Variants in GCKR observed in about 807,000 individuals in gnomAD.
GCKR encodes glucokinase regulatory protein.
GCKR carries 73 observed loss-of-function variants against 82.9 expected under a neutral mutation model. The observed-to-expected ratio is 0.88, with a 90% CI of 0.73 to 1.07. GCKR has a LOEUF of 1.07. GCKR is among the 50% of genes least tolerant of loss of function. The pLI is 0.00. For missense variants in GCKR, 784 were observed against 782.1 expected (o/e 1.00, Z -0.03); for synonymous variants, 294 against 291.8 (o/e 1.01, Z -0.08).
intron 8 of GCKR, chr2:27,501,584 G>A: frequency 5.0e-6 from 2 of 398,576 alleles, no homozygotes; most frequent in Non-Finnish European, 1.0e-5. Context: ...ATATGGGGGT[G>A]AGCCCCAAGC....
At chr2:27,517,033 A>C (rs62131876) in intron 16 of GCKR, among the ~76,000 whole-genome samples, 4 of 132,036 alleles carry the variant, frequency 3.0e-5, no homozygotes, top group African/African-American at 8.6e-5. Context: ...TTTTTTTTTA[A>C]TATGGAGTCT....
At chr2:27,523,239 G>C (rs940656832) in intron 18 of GCKR, 30 bp from the exon 19 acceptor site, 1 of 1,600,946 alleles carries the variant, frequency 6.2e-7, no homozygotes, top group Non-Finnish European at 8.5e-7. Flanking sequence ...ATTCCCTCAG[G>C]CTTCAGTGCC....
At chr2:27,518,968 G>GGGGGC in intron 17 of GCKR, 31 bp downstream of exon 17, 13 of 743,084 alleles carry the variant, frequency 1.7e-5, no homozygotes, top group Non-Finnish European at 2.6e-5. Context: ...GGTTGGGTGG[G>GGGGGC]ACCTGGCCTC....
intron 11 of GCKR, 50 bp downstream of exon 11, chr2:27,506,629 C>A: frequency 7.7e-7 from 1 of 1,304,864 alleles, no homozygotes; most frequent in Non-Finnish European, 1.1e-6. Context: ...ATGGAGAATA[C>A]TGAGAGCAGG....
intron 12 of GCKR, 105 bp downstream of exon 12, chr2:27,506,990 T>C: frequency 1.2e-6 from 1 of 820,980 alleles, no homozygotes. Context: ...TTCCTCAGTG[T>C]CCCACCTTCC....
At chr2:27,503,235 A>C (rs1003180871) in intron 8 of GCKR, among the ~76,000 whole-genome samples, 4 of 152,228 alleles carry the variant, frequency 2.6e-5, no homozygotes, top group Admixed American at 2.0e-4. Context: ...ATTGGGGCTT[A>C]TGCAAGGAGC....
intron 9 of GCKR, among the ~76,000 whole-genome samples, chr2:27,504,933 T>C (rs1182196828): frequency 1.3e-5 from 2 of 151,718 alleles, no homozygotes; most frequent in East Asian, 4.0e-4. Context: ...CAAGACCAGC[T>C]TGGCTAACAT....
chr2:27,497,170 C>T, intron 1 of GCKR, 74 bp from the exon 2 acceptor site: 2 of 1,559,088 alleles, frequency 1.3e-6, no homozygotes, highest in Non-Finnish European at 1.8e-6. Context: ...CCTGCTGCCA[C>T]TCCCACCTCC....
rs1669726482 is a variant in GCKR, at chr2:27,505,898, A to G, written c.869+62A>G. ...GGCGAGTGTGAGATGGTGTGGATGGAGATTGGCAGGTCTAGATCCAAGGAC... is the reference window on the plus strand; with the variant it reads ...GGCGAGTGTGAGATGGTGTGGATGGGGATTGGCAGGTCTAGATCCAAGGAC... On this transcript the variant is annotated intron_variant, in intron 10 of 18. Coordinates refer to ENST00000264717, the MANE Select transcript of GCKR (RefSeq NM_001486.4). The G allele has an allele frequency of 5.3e-6, 5 of 939,656 alleles. No individual in the cohort carries two copies. In the South Asian group the frequency reaches 6.5e-5, roughly 12 times the overall value. 58.2% of individuals were successfully genotyped at this position (939,656 alleles called of 1,614,324 possible).
In GCKR at chr2:27,518,886, C is replaced by T. The variant is rs1351332665; in HGVS notation, c.1521C>T (p.Asp507=). The T allele has an allele frequency of 2.5e-6, 4 of 1,613,716 alleles. No homozygotes were observed. The East Asian group carries it at 8.9e-5, about 36-fold the overall frequency. ...LGKILQNHML[D]LRISNSKLFW... ...AGATCCTACAAAACCACATGTTGGA[C>T]CTTCGGATTAGCAACTCCAAGCTCT... The change falls in exon 17 of 19, where the codon GAC becomes GAT. Residue 507 remains aspartate (D), a synonymous_variant. Coordinates refer to ENST00000264717, the MANE Select transcript of GCKR (RefSeq NM_001486.4).
intron 14 of GCKR, 76 bp downstream of exon 14, chr2:27,507,853 G>A: frequency 8.7e-7 from 1 of 1,147,580 alleles, no homozygotes; most frequent in Non-Finnish European, 1.3e-6. Context: ...TGTTTTTCTG[G>A]GTCTTAGGGT....
chr2:27,508,246 ATCCAGG>A lies in GCKR; in HGVS notation c.1419_1422+2del. 1 of 1,590,986 alleles carries A rather than the reference ATCCAGG, an allele frequency of 6.3e-7. No individual in the cohort carries two copies. The highest frequency in any genetic ancestry group is 8.6e-7 in the Non-Finnish European group (1 of 1,158,914). On this transcript the variant is annotated splice_donor_variant and coding_sequence_variant, in exon 16 of 19. Transcript: ENST00000264717. LOFTEE classifies it high-confidence loss of function. ...TTTCTTTGAATATGAAGGGAACTTC[ATCCAGG>A]TATGGGGAATGAGAAGGTCCTATCT... is the stretch of plus-strand genomic sequence containing the variant.
At chr2:27,499,078 C>T (rs766161729) in intron 5 of GCKR, 64 bp from the exon 6 acceptor site, 7 of 943,438 alleles carry the variant, frequency 7.4e-6, no homozygotes, top group African/African-American at 3.2e-5. Flanking sequence ...ATGTAGCCTG[C>T]CCTAATACGC....
intron 16 of GCKR, among the ~76,000 whole-genome samples, chr2:27,513,237 A>G (rs576309865): frequency 1.3e-5 from 2 of 152,280 alleles, no homozygotes; most frequent in African/African-American, 4.8e-5. Context: ...TTCTGTAAAG[A>G]AAATCTCTCT....
Position 27,497,296 on chromosome 2 carries a change from C to A in GCKR, c.113C>A (p.Thr38Asn). The A allele has an allele frequency of 6.2e-7, 1 of 1,614,104 alleles. No homozygotes were observed. The highest frequency in any genetic ancestry group is 8.5e-7 in the Non-Finnish European group (1 of 1,179,954). ...ATCACGGAGAAGTCAAACCCACTGACCCAGGATCTAGACAAAGCAGATGCT... is the reference window on the plus strand; with the variant it reads ...ATCACGGAGAAGTCAAACCCACTGAACCAGGATCTAGACAAAGCAGATGCT... ...VPITEKSNPL[T>N]QDLDKADAEN... The change falls in exon 2 of 19, where the codon ACC becomes AAC. Residue 38 changes from threonine to asparagine, a missense_variant. Transcript: ENST00000264717.
chr2:27,507,883 C>A, intron 14 of GCKR, 94 bp from the exon 15 acceptor site: 2 of 1,126,750 alleles, frequency 1.8e-6, no homozygotes, highest in Non-Finnish European at 2.7e-6. Context: ...GAGGGAGGGA[C>A]GGGGTGAATA....
In GCKR at chr2:27,508,003, G is replaced by A. The variant is rs1241928471; in HGVS notation, c.1267G>A (p.Val423Met). Residue 423 changes from valine (V) to methionine (M), a missense_variant, in exon 15 of 19, where the codon GTG (valine) becomes ATG (methionine). Val to Met is a conservative substitution (Grantham distance 21). Coordinates refer to ENST00000264717, the MANE Select transcript of GCKR (RefSeq NM_001486.4). ...DDNLTEVQTI[V>M]EQVKEKTNHI... ...CAACCTCACGGAGGTGCAGACTATA[G>A]TGGAGCAGGTGAAAGAGAAGACCAA... is the stretch of plus-strand genomic sequence containing the variant. The A allele has an allele frequency of 6.2e-7, 1 of 1,613,598 alleles. No homozygotes were observed. Among genetic ancestry groups the A allele is most frequent in the Non-Finnish European group, 8.5e-7 (1 of 1,179,548 alleles).
intron 16 of GCKR, among the ~76,000 whole-genome samples, chr2:27,515,761 A>AT (rs1444480218): frequency 7.9e-6 from 1 of 126,798 alleles, no homozygotes; most frequent in East Asian, 2.5e-4. Context: ...ATATATATAT[A>AT]TATATTTTTT....
At chr2:27,519,105 A>C (rs568173412) in intron 17 of GCKR, among the ~76,000 whole-genome samples, 168 bp downstream of exon 17, 30 of 152,320 alleles carry the variant, frequency 2.0e-4, no homozygotes, top group Admixed American at 3.9e-4. Context: ...GTGTGTGTGC[A>C]CACATGGGTG....
Sources: gnomAD v4.1 joint callset for allele counts (sites outside exome capture counted in the v4.1 genomes callset) on GRCh38, gnomAD v4.1.1 for gene constraint, MANE v1.5 for transcripts, NCBI Gene and HGNC (gene_info 2026-07-23, HGNC 2026-07-21) for gene names.